BLTP3B: variants seen among roughly 807,000 people sequenced by gnomAD.
BLTP3B encodes the protein UHRF1 (ICBP90) binding protein 1-like.
the BLTP3B span, among the ~76,000 whole-genome samples, chr12:100,115,047 A>C: frequency 2.0e-5 from 3 of 152,202 alleles, no homozygotes; most frequent in Non-Finnish European, 4.4e-5. Flanking sequence ...AAGGATACAA[A>C]AAAAAGGTGC....
At chr12:100,057,748 T>C in the BLTP3B span, 1 of 1,592,588 alleles carries the variant, frequency 6.3e-7, no homozygotes, top group Non-Finnish European at 8.5e-7. Flanking sequence ...GGCTTTCCAC[T>C]GTTAACAAAA....
chr12:100,096,482 A>G, the BLTP3B span, among the ~76,000 whole-genome samples: 1 of 152,146 alleles, frequency 6.6e-6, no homozygotes, highest in African/African-American at 2.4e-5. Flanking sequence ...TAAATGTTCA[A>G]CAAGTATTTG....
the BLTP3B span, among the ~76,000 whole-genome samples, chr12:100,070,703 A>G: frequency 1.3e-5 from 2 of 152,304 alleles, no homozygotes; most frequent in Middle Eastern, 3.4e-3. Context: ...CTAAAAACAT[A>G]TATTAATAGG....
the BLTP3B span, chr12:100,050,385 T>C: frequency 4.3e-6 from 6 of 1,393,260 alleles, no homozygotes; most frequent in East Asian, 4.9e-5. Context: ...AGAAATAATA[T>C]AGGAAACTAC....
At chr12:100,068,282 A>G in the BLTP3B span, among the ~76,000 whole-genome samples, 2 of 152,240 alleles carry the variant, frequency 1.3e-5, no homozygotes, top group Non-Finnish European at 2.9e-5. Context: ...TGCTGGGATA[A>G]CTGGCTAACC....
chr12:100,100,366 T>G, the BLTP3B span, among the ~76,000 whole-genome samples: 1,112 of 152,182 alleles, frequency 7.3e-3, 4 homozygotes, highest in Non-Finnish European at 0.01. Context: ...CTAAACCTTT[T>G]CTGGTTCTCA....
chr12:100,142,594 G>A, the BLTP3B span: 1 of 1,609,600 alleles, frequency 6.2e-7, no homozygotes, highest in Non-Finnish European at 8.5e-7. Flanking sequence ...TCACTGACCT[G>A]GAGAGGTGCT....
the BLTP3B span, among the ~76,000 whole-genome samples, chr12:100,065,595 T>G: frequency 6.6e-6 from 1 of 152,154 alleles, no homozygotes; most frequent in African/African-American, 2.4e-5. Flanking sequence ...CCTGGTCTCC[T>G]GCAGTACCCT....
At chr12:100,114,359 G>A in the BLTP3B span, among the ~76,000 whole-genome samples, 14 of 152,176 alleles carry the variant, frequency 9.2e-5, no homozygotes, top group African/African-American at 3.4e-4. Flanking sequence ...AATGGAGAGT[G>A]ACTGAGAAAC....
chr12:100,121,349 T>C, the BLTP3B span, among the ~76,000 whole-genome samples: 1 of 111,086 alleles, frequency 9.0e-6, no homozygotes, highest in Non-Finnish European at 1.8e-5. Context: ...AAACTCCATC[T>C]CATGGAAAAA....
At chr12:100,141,202 T>A in the BLTP3B span, among the ~76,000 whole-genome samples, 1 of 151,874 alleles carries the variant, frequency 6.6e-6, no homozygotes, top group East Asian at 1.9e-4. Context: ...TACATATTCA[T>A]GCAGGGCGTG....
chr12:100,089,097 T>C, the BLTP3B span: 1 of 1,504,278 alleles, frequency 6.6e-7, no homozygotes, highest in Non-Finnish European at 8.9e-7. Context: ...TGTAGAGCTC[T>C]AAAAAGATTC....
chr12:100,083,157 T>C, the BLTP3B span: 1 of 1,554,446 alleles, frequency 6.4e-7, no homozygotes, highest in Non-Finnish European at 8.9e-7. Flanking sequence ...AAAACTCCTT[T>C]CAATTCATTG....
the BLTP3B span, chr12:100,095,712 T>C: frequency 1.9e-6 from 3 of 1,613,610 alleles, no homozygotes; most frequent in South Asian, 3.3e-5. Flanking sequence ...CTGTTGATTT[T>C]TCTATTGCTT....
chr12:100,071,059 T>G, the BLTP3B span, among the ~76,000 whole-genome samples: 1 of 152,186 alleles, frequency 6.6e-6, no homozygotes, highest in Non-Finnish European at 1.5e-5. Flanking sequence ...CTAAGTATTT[T>G]GGAGTTCTAC....
chr12:100,046,069 G>A, the BLTP3B span, among the ~76,000 whole-genome samples: 1 of 152,086 alleles, frequency 6.6e-6, no homozygotes, highest in Admixed American at 6.5e-5. Flanking sequence ...TAAAAAGTCA[G>A]GGAACAACAG....
At chr12:100,050,428 C>T in the BLTP3B span, 1 of 1,006,362 alleles carries the variant, frequency 9.9e-7, no homozygotes, top group Non-Finnish European at 1.4e-6. Context: ...TGTGACCTAC[C>T]AGACCAAAAG....
At chr12:100,103,913 C>A in the BLTP3B span, 1 of 1,599,374 alleles carries the variant, frequency 6.3e-7, no homozygotes, top group Non-Finnish European at 8.5e-7. Context: ...CAGAACTCAC[C>A]AAACAGATGG....
the BLTP3B span, among the ~76,000 whole-genome samples, chr12:100,101,319 T>G: frequency 6.6e-6 from 1 of 152,186 alleles, no homozygotes; most frequent in Admixed American, 6.5e-5. Context: ...CTGTAGGTAT[T>G]CTCATGGCAT....
Sources: gnomAD v4.1 joint callset for allele counts (sites outside exome capture counted in the v4.1 genomes callset) on GRCh38, gnomAD v4.1.1 for gene constraint, MANE v1.5 for transcripts, NCBI Gene and HGNC (gene_info 2026-07-23, HGNC 2026-07-21) for gene names.